PLPP4: variants seen among roughly 807,000 people sequenced by gnomAD.
The protein encoded by PLPP4 is diacylglycerol pyrophosphate like 2.
In PLPP4, 20 loss-of-function variants were observed where a neutral mutation model predicts 32.2. The observed-to-expected ratio is 0.62, with a 90% CI of 0.44 to 0.90. The LOEUF (loss-of-function observed/expected upper bound fraction) is 0.90, where lower values mean the gene tolerates loss of function less well. Ranked by LOEUF, PLPP4 falls within the 40% of genes least tolerant of loss-of-function variation. The pLI, the probability that PLPP4 is intolerant of heterozygous loss-of-function variation, is 0.00. For missense variants in PLPP4, 257 were observed against 353.1 expected, an observed-to-expected ratio of 0.73 and a Z score of 2.18; for synonymous variants, 127 against 133.0, an observed-to-expected ratio of 0.95 and a Z score of 0.31.
At chr10:120,466,025 T>C (rs1003754807) in intron 1 of PLPP4, among the ~76,000 whole-genome samples, 6 of 152,154 alleles carry the variant, frequency 3.9e-5, no homozygotes, top group African/African-American at 1.4e-4. Flanking sequence ...TATAATTTCT[T>C]GTAGGTATAT....
intron 5 of PLPP4, 146 bp downstream of exon 5, chr10:120,521,241 A>G (rs1846142513): frequency 1.0e-6 from 1 of 999,898 alleles, no homozygotes; most frequent in East Asian, 2.6e-5. Flanking sequence ...TGACTTAGAA[A>G]CAAGATTATT....
chr10:120,470,933 C>A (rs2463156), intron 1 of PLPP4, among the ~76,000 whole-genome samples: 121,447 of 151,796 alleles, frequency 0.8, 49,436 homozygotes, highest in East Asian at 0.92. Context: ...AACCTTTAAG[C>A]CAGATAATGA....
chr10:120,534,146 C>T (rs1182394882), intron 5 of PLPP4, among the ~76,000 whole-genome samples: 2 of 152,000 alleles, frequency 1.3e-5, no homozygotes, highest in Non-Finnish European at 2.9e-5. Context: ...TGAGGGGGGT[C>T]TGCTAGCAAT....
chr10:120,535,740 G>A (rs1017309160), intron 5 of PLPP4, among the ~76,000 whole-genome samples: 3 of 151,980 alleles, frequency 2.0e-5, no homozygotes, highest in African/African-American at 7.2e-5. Flanking sequence ...GTTTCATGAT[G>A]TGACTTCATG....
intron 3 of PLPP4, 68 bp from the exon 4 acceptor site, chr10:120,518,765 A>T: frequency 8.4e-7 from 1 of 1,184,286 alleles, no homozygotes; most frequent in East Asian, 2.3e-5. Context: ...TGATGATGAT[A>T]ATGATGATGA....
chr10:120,573,134 C>G (rs1294976555), intron 5 of PLPP4, among the ~76,000 whole-genome samples: 2 of 152,178 alleles, frequency 1.3e-5, no homozygotes. Flanking sequence ...GAACTTGCTA[C>G]TCTCTTCTCA....
At chr10:120,527,589 C>T (rs1008951589) in intron 5 of PLPP4, among the ~76,000 whole-genome samples, 6 of 152,148 alleles carry the variant, frequency 3.9e-5, no homozygotes, top group African/African-American at 9.7e-5. Flanking sequence ...ATAAGGTTAC[C>T]GATCACACTG....
intron 1 of PLPP4, among the ~76,000 whole-genome samples, chr10:120,469,839 A>G (rs189472250): frequency 3.9e-4 from 59 of 152,240 alleles, no homozygotes; most frequent in African/African-American, 1.3e-3. Flanking sequence ...CACATGCTTC[A>G]TTGTTTTTTA....
At chr10:120,527,586 T>TACCG (rs1846463167) in intron 5 of PLPP4, among the ~76,000 whole-genome samples, 1 of 152,208 alleles carries the variant, frequency 6.6e-6, no homozygotes, top group Non-Finnish European at 1.5e-5. Flanking sequence ...CACATAAGGT[T>TACCG]ACCGATCACA....
At chr10:120,557,848 C>T (rs1848230194) in intron 5 of PLPP4, among the ~76,000 whole-genome samples, 1 of 152,098 alleles carries the variant, frequency 6.6e-6, no homozygotes, top group East Asian at 1.9e-4. Context: ...CTGCATAACT[C>T]TTGTTATAGA....
chr10:120,561,481 T>A (rs1353749726), intron 5 of PLPP4, among the ~76,000 whole-genome samples: 1 of 152,234 alleles, frequency 6.6e-6, no homozygotes, highest in Non-Finnish European at 1.5e-5. Context: ...TGGGTCTGTT[T>A]GCTTATTCCT....
intron 5 of PLPP4, among the ~76,000 whole-genome samples, chr10:120,538,052 C>CTCTCTCTCTCTCTGTGTGTGTG (rs1847142984): frequency 1.1e-4 from 2 of 18,994 alleles, no homozygotes; most frequent in South Asian, 2.0e-3. Context: ...CTCTCTCTCT[C>CTCTCTCTCTCTCTGTGTGTGTG]TGTGTGTGTG....
chr10:120,578,131 G>T (rs1347379787), intron 6 of PLPP4, among the ~76,000 whole-genome samples: 3 of 152,142 alleles, frequency 2.0e-5, no homozygotes, highest in Admixed American at 6.5e-5. Flanking sequence ...TCATACCCCA[G>T]CTCCATATTT....
At chr10:120,524,695 G>A (rs1044173355) in intron 5 of PLPP4, among the ~76,000 whole-genome samples, 1 of 152,112 alleles carries the variant, frequency 6.6e-6, no homozygotes, top group Non-Finnish European at 1.5e-5. Flanking sequence ...GTTTTTATGG[G>A]GCTTGCTCTG....
intron 6 of PLPP4, among the ~76,000 whole-genome samples, chr10:120,586,117 T>G (rs926125389): frequency 1.6e-5 from 2 of 122,204 alleles, no homozygotes; most frequent in African/African-American, 8.3e-5. Flanking sequence ...TTTTTTTCTC[T>G]TTTCTTTTTC....
At chr10:120,522,515 C>G (rs1182887751) in intron 5 of PLPP4, among the ~76,000 whole-genome samples, 1 of 152,178 alleles carries the variant, frequency 6.6e-6, no homozygotes, top group Non-Finnish European at 1.5e-5. Context: ...GGAGGAATTC[C>G]TGCTGTCTTG....
chr10:120,520,187 G>A lies in PLPP4; in HGVS notation c.321-784G>A, dbSNP rs138958347. 5.1e-3 allele frequency among the ~76,000 whole-genome samples: 775 copies of A among 152,238 alleles called. 10 individuals are homozygous for A. Among genetic ancestry groups the A allele is most frequent in the African/African-American group, 0.018 (743 of 41,538 alleles). ...GCAGGAGGCTCGACTTCAGGCCCAG[G>A]GCCACCCCTATGTGCCTCTAGAGAT... On this transcript the variant is annotated intron_variant, in intron 4 of 6. Transcript: ENST00000398250.
At chr10:120,528,664 G>A (rs1846545374) in intron 5 of PLPP4, among the ~76,000 whole-genome samples, 1 of 152,070 alleles carries the variant, frequency 6.6e-6, no homozygotes, top group Non-Finnish European at 1.5e-5. Flanking sequence ...GCCAAATAAA[G>A]GAAGACTCCC....
chr10:120,485,643 A>G (rs928635941), intron 1 of PLPP4, among the ~76,000 whole-genome samples: 5 of 152,276 alleles, frequency 3.3e-5, no homozygotes, highest in African/African-American at 1.2e-4. Context: ...ATTTCTTGCC[A>G]TATTTTTACA....
Sources: allele counts gnomAD v4.1 joint callset (sites outside exome capture counted in the v4.1 genomes callset), GRCh38; gene constraint gnomAD v4.1.1; transcripts MANE v1.5; gene names NCBI Gene and HGNC (gene_info 2026-07-23, HGNC 2026-07-21).